PLXNC1: variants seen among roughly 807,000 people sequenced by gnomAD.
PLXNC1 encodes the protein plexin-C1.
In PLXNC1, 75 loss-of-function variants were observed where a neutral mutation model predicts 178.2. The observed-to-expected ratio is 0.42, with a 90% confidence interval of 0.35 to 0.51. The LOEUF is 0.51. Among genes scored for constraint, PLXNC1 ranks in the 20% least tolerant of loss-of-function variants. PLXNC1 has a pLI of 0.02. For synonymous variants in PLXNC1, 790 were observed against 779.9 expected, an observed-to-expected ratio of 1.01 and a Z score of -0.22; for missense variants, 1,503 against 1,984.4, an observed-to-expected ratio of 0.76 and a Z score of 4.61.
chr12:94,278,226 G>A (rs4761601), intron 21 of PLXNC1: 41,509 of 360,342 alleles, frequency 0.12, 2,717 homozygotes, highest in Admixed American at 0.17. Flanking sequence ...TTAAATAATT[G>A]TGCATTTCAC....
chr12:94,167,774 TA>T (rs1382000535), intron 1 of PLXNC1, among the ~76,000 whole-genome samples: 1 of 152,186 alleles, frequency 6.6e-6, no homozygotes, highest in Admixed American at 6.5e-5. Flanking sequence ...GAGCTTTCCC[TA>T]AATCTTCTTA....
At chr12:94,259,302 T>C (rs1162089861) in intron 17 of PLXNC1, 35 bp from the exon 18 acceptor site, 3 of 1,500,196 alleles carry the variant, frequency 2.0e-6, no homozygotes, top group Non-Finnish European at 2.8e-6. Flanking sequence ...TTCCTTTGGA[T>C]GTTATGAATA....
chr12:94,217,598 C>T (rs948096449), intron 5 of PLXNC1, among the ~76,000 whole-genome samples: 12 of 152,178 alleles, frequency 7.9e-5, no homozygotes, highest in Admixed American at 7.9e-4. Flanking sequence ...GCCCCATCTC[C>T]ATGTATGGTA....
chr12:94,273,512 G>A (rs1244386641), intron 21 of PLXNC1, among the ~76,000 whole-genome samples: 2 of 152,078 alleles, frequency 1.3e-5, no homozygotes, highest in Admixed American at 1.3e-4. Flanking sequence ...CCTCCTCCAT[G>A]CAGCCTTCCT....
intron 2 of PLXNC1, among the ~76,000 whole-genome samples, chr12:94,169,662 C>G (rs1418240354): frequency 6.6e-6 from 1 of 152,184 alleles, no homozygotes; most frequent in Non-Finnish European, 1.5e-5. Context: ...GTACAAAGCA[C>G]CTGATTTCTC....
intron 10 of PLXNC1, among the ~76,000 whole-genome samples, chr12:94,238,130 G>T (rs117702316): frequency 0.011 from 1,746 of 152,094 alleles, 22 homozygotes; most frequent in South Asian, 0.016. Context: ...CATTCTTTAG[G>T]TGATGCACTT....
chr12:94,264,447 C>T (rs1403747012), intron 20 of PLXNC1, among the ~76,000 whole-genome samples: 3 of 152,288 alleles, frequency 2.0e-5, no homozygotes, highest in Admixed American at 2.0e-4. Flanking sequence ...GTCCCTCTGG[C>T]CCAGCACCGG....
chr12:94,296,330 T>G (rs1203420313), intron 24 of PLXNC1, among the ~76,000 whole-genome samples: 1 of 152,182 alleles, frequency 6.6e-6, no homozygotes, highest in African/African-American at 2.4e-5. Flanking sequence ...TCAGATACTC[T>G]TTAAAATTTT....
chr12:94,236,752 G>A (rs747127376), intron 9 of PLXNC1, among the ~76,000 whole-genome samples: 64 of 152,274 alleles, frequency 4.2e-4, no homozygotes, highest in Non-Finnish European at 7.5e-4. Context: ...TTTGGTCACC[G>A]TATTATAGAA....
At chr12:94,200,245 T>C (rs1299579715) in intron 4 of PLXNC1, among the ~76,000 whole-genome samples, 3 of 152,178 alleles carry the variant, frequency 2.0e-5, no homozygotes, top group Non-Finnish European at 4.4e-5. Context: ...TGTAATGGAA[T>C]AGATTTTTTT....
At chr12:94,156,817 C>T (rs1961189665) in intron 1 of PLXNC1, among the ~76,000 whole-genome samples, 1 of 151,538 alleles carries the variant, frequency 6.6e-6, no homozygotes, top group Non-Finnish European at 1.5e-5. Context: ...AAGTGATCCT[C>T]CCACCTCAGC....
intron 30 of PLXNC1, 108 bp from the exon 31 acceptor site, chr12:94,305,073 G>C (rs1968859230): frequency 1.5e-6 from 1 of 654,956 alleles, no homozygotes. Context: ...AGAAAATGTT[G>C]GCATCTGTTT....
intron 5 of PLXNC1, among the ~76,000 whole-genome samples, chr12:94,211,103 G>T (rs191824983): frequency 6.6e-6 from 1 of 152,122 alleles, no homozygotes; most frequent in African/African-American, 2.4e-5. Context: ...TACAACTTCC[G>T]TACCTAGCTA....
At chr12:94,300,461 G>A (rs1017329065) in intron 27 of PLXNC1, among the ~76,000 whole-genome samples, 16 of 152,262 alleles carry the variant, frequency 1.1e-4, no homozygotes, top group Admixed American at 7.2e-4. Flanking sequence ...TGGAATGAGC[G>A]CGGTGAGGAG....
At chr12:94,300,029 T>C (rs1968313331) in intron 27 of PLXNC1, among the ~76,000 whole-genome samples, 1 of 151,634 alleles carries the variant, frequency 6.6e-6, no homozygotes, top group African/African-American at 2.4e-5. Context: ...TAGGCCAGAG[T>C]TGAAAAGGAG....
At chr12:94,199,213 G>A (rs1425177672) in intron 4 of PLXNC1, among the ~76,000 whole-genome samples, 1 of 152,212 alleles carries the variant, frequency 6.6e-6, no homozygotes, top group Non-Finnish European at 1.5e-5. Context: ...CTATTGAGTG[G>A]AATGGCCGAC....
At chr12:94,280,103 T>A (rs987933792) in intron 22 of PLXNC1, 1 of 326,578 alleles carries the variant, frequency 3.1e-6, no homozygotes. Context: ...AGAAAGGTCA[T>A]CTTCCTCTGC....
At chr12:94,285,442 T>C (rs568937676) in intron 23 of PLXNC1, among the ~76,000 whole-genome samples, 10 of 152,302 alleles carry the variant, frequency 6.6e-5, no homozygotes, top group Admixed American at 2.0e-4. Context: ...CCCTGTGGCA[T>C]TGCTGTAGGG....
chr12:94,197,395 T>C (rs1962953448), intron 4 of PLXNC1, among the ~76,000 whole-genome samples: 1 of 151,534 alleles, frequency 6.6e-6, no homozygotes, highest in Non-Finnish European at 1.5e-5. Flanking sequence ...GGGTTACTTA[T>C]CACAGGAGTA....
Sources: allele counts gnomAD v4.1 joint callset (sites outside exome capture counted in the v4.1 genomes callset), GRCh38; gene constraint gnomAD v4.1.1; transcripts MANE v1.5; gene names NCBI Gene and HGNC (gene_info 2026-07-23, HGNC 2026-07-21).